Variants in USP4 observed in about 807,000 individuals in gnomAD.
The protein encoded by USP4 is ubiquitin specific peptidase 4.
In USP4, 72 loss-of-function variants were observed where a neutral mutation model predicts 118.2. That is an observed-to-expected ratio of 0.61 (90% CI 0.50 to 0.74). USP4 has a LOEUF of 0.74. USP4 is among the 30% of genes least tolerant of loss of function. The pLI is 0.00. For synonymous variants in USP4, 415 were observed against 440.4 expected (o/e 0.94, Z 0.72); for missense variants, 1,037 against 1,185.7 (o/e 0.87, Z 1.84).
At chr3:49,308,427 C>G (rs1203757024) in intron 8 of USP4, among the ~76,000 whole-genome samples, 1 of 152,092 alleles carries the variant, frequency 6.6e-6, no homozygotes, top group Non-Finnish European at 1.5e-5. Context: ...TCAAGAGATT[C>G]TCCTGCCTCA....
chr3:49,302,437 C>T lies in USP4; in HGVS notation c.1234G>A (p.Val412Ile). 1 of 1,614,152 alleles carries T rather than the reference C, an allele frequency of 6.2e-7. No individual in the cohort carries two copies. The highest frequency in any genetic ancestry group is 8.5e-7 in the Non-Finnish European group (1 of 1,180,042). Residue 412 changes from valine to isoleucine, a missense_variant, in exon 10 of 22, where the codon GTA becomes ATA. By Grantham distance (29) the Val-to-Ile change is conservative. Transcript: ENST00000265560. The part of the protein sequence containing the change: ...LDGLHEDLNR[V>I]KKKPYLELKD... ...AGCTCCAAGTAGGGCTTTTTCTTTA[C>T]CCGGTTCAGATCTTCATGCAATCCA...
chr3:49,307,770 C>T (rs963562562), intron 8 of USP4, among the ~76,000 whole-genome samples: 1 of 151,708 alleles, frequency 6.6e-6, no homozygotes, highest in Non-Finnish European at 1.5e-5. Context: ...ATAAGTGAGA[C>T]CCCGTTTCCA....
chr3:49,296,517 C>T (rs959039883), intron 13 of USP4, among the ~76,000 whole-genome samples: 2 of 151,404 alleles, frequency 1.3e-5, no homozygotes, highest in African/African-American at 4.9e-5. Flanking sequence ...GGCGTGGTGG[C>T]GGGTGCCTGT....
chr3:49,317,203 G>A, intron 6 of USP4: 1 of 1,496,120 alleles, frequency 6.7e-7, no homozygotes, highest in Non-Finnish European at 9.3e-7. Context: ...GAGGTAGGTG[G>A]CCTCCGTCTC....
chr3:49,294,997 T>C (rs945210139), intron 13 of USP4, among the ~76,000 whole-genome samples: 17 of 152,084 alleles, frequency 1.1e-4, no homozygotes, highest in African/African-American at 4.1e-4. Flanking sequence ...CTTTAAAAAA[T>C]GTATTGAGTT....
rs906254215 is a variant in USP4, at chr3:49,303,509, A to T, written c.1129-967T>A. On this transcript the variant is annotated intron_variant, in intron 9 of 21. Coordinates refer to ENST00000265560, the MANE Select transcript of USP4 (RefSeq NM_003363.4). ...CCTGTTCTCTAATACCATAGCCACTAGCCACATATGGCAATTGAAATTTAC... is the reference window on the plus strand; with the variant it reads ...CCTGTTCTCTAATACCATAGCCACTTGCCACATATGGCAATTGAAATTTAC... Among the ~76,000 whole-genome samples the T allele has an allele frequency of 2.6e-5, 4 of 151,262 alleles. No homozygotes were observed. The South Asian group carries it at 8.4e-4, about 32-fold the overall frequency.
chr3:49,292,952 C>T (rs1349338505), intron 14 of USP4, among the ~76,000 whole-genome samples: 1 of 151,900 alleles, frequency 6.6e-6, no homozygotes, highest in Non-Finnish European at 1.5e-5. Context: ...ATTACTTGAA[C>T]GTGGGAGGCA....
rs773669515 is a variant in USP4, at chr3:49,309,943, C to CTTTTTTTTTTTTTTTTTTT, written c.954+658_954+676dup. Reference sequence around the variant, plus strand: ...TGCTGCCCCCGGACTTTTTTTTAATCTTTTTTTTTTTTTTTTTTTTTTTGA... The same window carrying CTTTTTTTTTTTTTTTTTTT: ...TGCTGCCCCCGGACTTTTTTTTAATCTTTTTTTTTTTTTTTTTTTTTTTTTTTTTTTTTTTTTTTTTTGA... On this transcript the variant is annotated intron_variant, in intron 8 of 21. Coordinates refer to ENST00000265560, the MANE Select transcript of USP4 (RefSeq NM_003363.4). Among the ~76,000 whole-genome samples the CTTTTTTTTTTTTTTTTTTT allele has an allele frequency of 3.0e-4, 12 of 40,228 alleles. 3 individuals carry two copies. Among genetic ancestry groups the CTTTTTTTTTTTTTTTTTTT allele is most frequent in the African/African-American group, 5.7e-4 (5 of 8,718 alleles). 26.4% of individuals were successfully genotyped at this position (40,228 alleles called of 152,430 possible).
chr3:49,330,736 C>A (rs914387150), intron 2 of USP4, among the ~76,000 whole-genome samples: 1 of 151,566 alleles, frequency 6.6e-6, no homozygotes. Flanking sequence ...GGAGGCCGGG[C>A]GCGGTGGCTC....
intron 6 of USP4, 188 bp from the exon 7 acceptor site, chr3:49,311,842 T>C: frequency 7.8e-7 from 1 of 1,288,852 alleles, no homozygotes. Flanking sequence ...TAACTGGTCT[T>C]CCTGTCACAT....
chr3:49,319,869 G>C (rs994357125), intron 6 of USP4, among the ~76,000 whole-genome samples: 1 of 151,884 alleles, frequency 6.6e-6, no homozygotes, highest in African/African-American at 2.4e-5. Flanking sequence ...ACCCACCTCC[G>C]CCTCCCAAAG....
At chr3:49,281,476 GTATATA>G (rs568103712) in intron 19 of USP4, among the ~76,000 whole-genome samples, 8,693 of 105,422 alleles carry the variant, frequency 0.082, 358 homozygotes, top group Middle Eastern at 0.12. Context: ...AAAAGTATGT[GTATATA>G]TATATATATA....
chr3:49,307,529 A>T (rs2047331857), intron 8 of USP4, among the ~76,000 whole-genome samples: 1 of 151,844 alleles, frequency 6.6e-6, no homozygotes, highest in African/African-American at 2.4e-5. Context: ...GGCTCAAGTG[A>T]TCCTCCCATT....
intron 6 of USP4, among the ~76,000 whole-genome samples, chr3:49,320,943 T>C (rs1391509332): frequency 3.3e-5 from 5 of 152,142 alleles, no homozygotes; most frequent in African/African-American, 9.7e-5. Flanking sequence ...AGTCCTGCTA[T>C]ACAGTACATC....
rs752718459 is a variant in USP4, at chr3:49,283,945, CT to C, written c.2540+41del. 2.5e-6 allele frequency: 4 copies of C among 1,604,704 alleles called. No individual in the cohort carries two copies. In the African/African-American group the frequency reaches 5.4e-5, roughly 22 times the overall value. ...GCCAATCAGTGCCAAGATTTTCTGC[CT>C]GTTTTTAAATGTTCCTAACACTGTA... On this transcript the variant is annotated intron_variant, in intron 19 of 21. Transcript: ENST00000265560.
intron 19 of USP4, among the ~76,000 whole-genome samples, chr3:49,281,988 C>T (rs867241217): frequency 2.0e-5 from 3 of 151,380 alleles, no homozygotes; most frequent in Non-Finnish European, 2.9e-5. Context: ...TCTGGCCTGG[C>T]GACAGAGTGA....
At position 49,315,522 on chromosome 3, in the gene USP4, G is replaced by A. The variant is rs117266064; in HGVS notation, c.696-3868C>T. 1.2e-4 allele frequency among the ~76,000 whole-genome samples: 18 copies of A among 152,226 alleles called. No individual in the cohort carries two copies. In the East Asian group the frequency reaches 2.5e-3, roughly 21 times the overall value. The stretch of plus-strand genomic sequence containing the variant: ...TGGAATATAGGAAGCCAGGAGAAAT[G>A]TCTGAATCTCAGGCATATATATTAG... On this transcript the variant is annotated intron_variant, in intron 6 of 21. Coordinates refer to ENST00000265560, the MANE Select transcript of USP4 (RefSeq NM_003363.4).
chr3:49,309,619 C>A (rs983303141), intron 8 of USP4, among the ~76,000 whole-genome samples: 6 of 79,360 alleles, frequency 7.6e-5, no homozygotes, highest in African/African-American at 3.0e-4. Flanking sequence ...GGCGGGACAG[C>A]TTTTTTTTTT....
At chr3:49,339,787 GA>G in intron 1 of USP4, 136 bp downstream of exon 1, 1 of 640,604 alleles carries the variant, frequency 1.6e-6, no homozygotes, top group Non-Finnish European at 2.7e-6. Flanking sequence ...TTATTCTCCT[GA>G]GGGGCAGGTG....
Sources: gnomAD v4.1 joint callset for allele counts (sites outside exome capture counted in the v4.1 genomes callset) on GRCh38, gnomAD v4.1.1 for gene constraint, MANE v1.5 for transcripts, NCBI Gene and HGNC (gene_info 2026-07-23, HGNC 2026-07-21) for gene names.